Variants in TRAPPC5 observed in about 807,000 individuals in gnomAD.
TRAPPC5 encodes the protein trafficking protein particle complex subunit 5.
Under a neutral mutation model 9.8 loss-of-function variants are expected in TRAPPC5, and 5 were observed. That is an observed-to-expected ratio of 0.51 (90% CI 0.27 to 1.07). The LOEUF (loss-of-function observed/expected upper bound fraction) is 1.07. TRAPPC5 is among the 50% of genes least tolerant of loss of function. The pLI, the probability that TRAPPC5 is intolerant of heterozygous loss-of-function variation, is 0.12. For synonymous variants in TRAPPC5, 146 were observed against 140.7 expected, an observed-to-expected ratio of 1.04 and a Z score of -0.26; for missense variants, 243 against 291.5, an observed-to-expected ratio of 0.83 and a Z score of 1.21.
At position 7,686,802 on chromosome 19, in the gene TRAPPC5, A is replaced by G. The variant is rs35805499; in HGVS notation, c.*3982A>G. On this transcript the variant is annotated 3_prime_UTR_variant, in exon 2 of 2. Transcript: ENST00000596148. Reference sequence around the variant, plus strand: ...TAGGATTACAGGCGTGAGCCACCGCACCTGGCTGGCTTTTTCTCTTTTCTT... The same window carrying G: ...TAGGATTACAGGCGTGAGCCACCGCGCCTGGCTGGCTTTTTCTCTTTTCTT... 0.068 allele frequency: 10,263 copies of G among 150,432 alleles called. 378 individuals are homozygous for G. Among genetic ancestry groups the G allele is most frequent in the Non-Finnish European group, 0.082 (5,567 of 67,854 alleles). The allele number at this position is 150,432 out of a possible 1,614,324, so 9.3% of individuals were successfully genotyped here.
chr19:7,687,511 A>T lies in TRAPPC5; in HGVS notation c.*4691A>T, dbSNP rs2032737172. ...CAGCCTGTCCAGCCAGCCAGCACTT[A>T]CTGAGTGCCTTCTGTGTACTAAGCC... On this transcript the variant is annotated 3_prime_UTR_variant, in exon 2 of 2. Transcript: ENST00000596148. 6.6e-6 allele frequency: 1 copy of T among 152,564 alleles called. No homozygotes were observed. The highest frequency in any genetic ancestry group is 2.4e-5 in the African/African-American group (1 of 41,432). 9.5% of individuals were successfully genotyped at this position (152,564 alleles called of 1,614,324 possible). A position where few individuals can be genotyped will look rare whatever the true frequency, so the allele number is the denominator to read the frequency against.
At position 7,682,479 on chromosome 19, in the gene TRAPPC5, G is replaced by T; in HGVS notation, c.226G>T (p.Ala76Ser). ...LDALVAREKG[A>S]RRETKVLGAL... is the part of the protein sequence containing the mutation. ...TGCGCTGGTGGCGCGCGAAAAGGGTGCCCGGCGTGAGACCAAGGTGCTAGG... is the reference window on the plus strand; with the variant it reads ...TGCGCTGGTGGCGCGCGAAAAGGGTTCCCGGCGTGAGACCAAGGTGCTAGG... Residue 76 changes from alanine (A) to serine (S), a missense_variant, in exon 2 of 2, where the codon GCC becomes TCC. Transcript: ENST00000596148. The surrounding 1 kb of genome is among the most constrained non-coding windows in gnomAD (Gnocchi z 8.6). 2 of 1,611,386 alleles carry T rather than the reference G, an allele frequency of 1.2e-6. No homozygotes were observed. Among genetic ancestry groups the T allele is most frequent in the South Asian group, 1.1e-5 (1 of 91,012 alleles).
In TRAPPC5 at chr19:7,682,843, A is replaced by G; in HGVS notation, c.*23A>G. On this transcript the variant is annotated 3_prime_UTR_variant, in exon 2 of 2. Transcript: ENST00000596148. The surrounding 1 kb of genome is among the most constrained non-coding windows in gnomAD (Gnocchi z 8.6). ...TGACCCTGCCGGAGATAAAGGATAC[A>G]GAGAGCCCCTCCCCACGTGTGTCTT... 1.3e-6 allele frequency: 2 copies of G among 1,549,694 alleles called. No homozygotes were observed. The highest frequency in any genetic ancestry group is 1.7e-4 in the Middle Eastern group (1 of 5,914).
In TRAPPC5 at chr19:7,681,966, TC is replaced by T. The variant is rs2032644342; in HGVS notation, c.-12-271del. ...GGGTGGTTTCGGCCTCCTCTTCTGTTCCCCCTCGTGTCTCTCCTCCCACCTT... is the reference window on the plus strand; with the variant it reads ...GGGTGGTTTCGGCCTCCTCTTCTGTTCCCCTCGTGTCTCTCCTCCCACCTT... On this transcript the variant is annotated intron_variant, in intron 1 of 1. Coordinates refer to ENST00000596148, the MANE Select transcript of TRAPPC5 (RefSeq NM_001042462.2). The surrounding 1 kb of genome is among the most constrained non-coding windows in gnomAD (Gnocchi z 8.7). 6.6e-6 allele frequency among the ~76,000 whole-genome samples: 1 copy of T among 151,610 alleles called. No homozygotes were observed. The highest frequency in any genetic ancestry group is 1.5e-5 in the Non-Finnish European group (1 of 67,896).
chr19:7,681,934 G>A lies in TRAPPC5; in HGVS notation c.-12-308G>A, dbSNP rs2032643636. 6.6e-6 allele frequency among the ~76,000 whole-genome samples: 1 copy of A among 152,130 alleles called. No individual in the cohort carries two copies. Among genetic ancestry groups the A allele is most frequent in the African/African-American group, 2.4e-5 (1 of 41,438 alleles). ...TCGCAATTGAACCGTCTGCATGCCCGAGGGTTGGGTGGTTTCGGCCTCCTC... is the reference window on the plus strand; with the variant it reads ...TCGCAATTGAACCGTCTGCATGCCCAAGGGTTGGGTGGTTTCGGCCTCCTC... On this transcript the variant is annotated intron_variant, in intron 1 of 1. Coordinates refer to ENST00000596148, the MANE Select transcript of TRAPPC5 (RefSeq NM_001042462.2). This position sits in a 1 kb window ranked among gnomAD's most constrained non-coding sequence, Gnocchi z 8.7.
chr19:7,687,539 G>T lies in TRAPPC5; in HGVS notation c.*4719G>T, dbSNP rs2032737779. On this transcript the variant is annotated 3_prime_UTR_variant, in exon 2 of 2. Transcript: ENST00000596148. ...GAGTGCCTTCTGTGTACTAAGCCCT[G>T]CTCTGGGTACTTCCATGAGTCAACT... is the stretch of plus-strand genomic sequence containing the variant. The T allele has an allele frequency of 6.6e-6, 1 of 152,374 alleles. No homozygotes were observed. The highest frequency in any genetic ancestry group is 1.5e-5 in the Non-Finnish European group (1 of 68,170). 9.4% of individuals were successfully genotyped at this position (152,374 alleles called of 1,614,324 possible).
chr19:7,687,061 G>C lies in TRAPPC5; in HGVS notation c.*4241G>C, dbSNP rs1381223338. 6.6e-6 allele frequency: 1 copy of C among 152,298 alleles called. No homozygotes were observed. The highest frequency in any genetic ancestry group is 1.9e-4 in the East Asian group (1 of 5,180). The allele number at this position is 152,298 out of a possible 1,614,324, so 9.4% of individuals were successfully genotyped here. ...CAAAGCGCTGGGATGACAGGCATGA[G>C]CCACTGTGCGCAGCTGGCTTTGGCC... On this transcript the variant is annotated 3_prime_UTR_variant, in exon 2 of 2. Transcript: ENST00000596148.
In TRAPPC5 at chr19:7,682,299, G is replaced by A; in HGVS notation, c.46G>A (p.Ala16Thr). The A allele has an allele frequency of 6.8e-7, 1 of 1,473,458 alleles. No individual in the cohort carries two copies. The highest frequency in any genetic ancestry group is 2.7e-5 in the East Asian group (1 of 37,556). 91.3% of individuals were successfully genotyped at this position (1,473,458 alleles called of 1,614,324 possible). The change falls in exon 2 of 2, where the codon GCG (alanine) becomes ACG (threonine). Residue 16 changes from alanine (A) to threonine (T), a missense_variant. This residue lies in a region of TRAPPC5 where 89 missense variants were observed against 75.7 expected (regional missense o/e 1.18). Coordinates refer to ENST00000596148, the MANE Select transcript of TRAPPC5 (RefSeq NM_001042462.2). The surrounding 1 kb of genome is among the most constrained non-coding windows in gnomAD (Gnocchi z 8.6). ...CGGGAAGTCGGCGCTGCTGGAGCGC[G>A]CGCTGGCGCGGCCGCGCACCGAGGT... ...TRGKSALLER[A>T]LARPRTEVSL...
At chr19:7,680,910 G>C (rs1024477946) in intron 1 of TRAPPC5, 32 bp downstream of exon 1, 5 of 152,182 alleles carry the variant, frequency 3.3e-5, no homozygotes, top group Non-Finnish European at 5.9e-5. Context: ...TGCCCGCGCC[G>C]GGCCTCGTCC....
Position 7,685,011 on chromosome 19 carries a change from C to T in TRAPPC5, c.*2191C>T, listed in dbSNP as rs1046140731. On this transcript the variant is annotated 3_prime_UTR_variant, in exon 2 of 2. Transcript: ENST00000596148. ...TAAGGCCAGGCGTGGCGACTTATGTCTGTAATCCCAGCACTTTGAGAGGCC... is the reference window on the plus strand; with the variant it reads ...TAAGGCCAGGCGTGGCGACTTATGTTTGTAATCCCAGCACTTTGAGAGGCC... 6.6e-6 allele frequency: 1 copy of T among 152,114 alleles called. No homozygotes were observed. Among genetic ancestry groups the T allele is most frequent in the Non-Finnish European group, 1.5e-5 (1 of 68,044 alleles). The allele number at this position is 152,114 out of a possible 1,614,324, so 9.4% of individuals were successfully genotyped here. A position where few individuals can be genotyped will look rare whatever the true frequency, so the allele number is the denominator to read the frequency against.
In TRAPPC5 at chr19:7,685,531, G is replaced by A. The variant is rs777682066; in HGVS notation, c.*2711G>A. The stretch of plus-strand genomic sequence containing the variant: ...GTTATGAGAAGGGCCAAAGGGGTCG[G>A]TGTCACCTCTAGATTTGTTTAGGAT... On this transcript the variant is annotated 3_prime_UTR_variant, in exon 2 of 2. Coordinates refer to ENST00000596148, the MANE Select transcript of TRAPPC5 (RefSeq NM_001042462.2). 6.6e-6 allele frequency: 1 copy of A among 152,348 alleles called. No individual in the cohort carries two copies. Among genetic ancestry groups the A allele is most frequent in the African/African-American group, 2.4e-5 (1 of 41,444 alleles). 9.4% of individuals were successfully genotyped at this position (152,348 alleles called of 1,614,324 possible).
rs1283391862 is a variant in TRAPPC5 at position 7,685,120 on chromosome 19, A to G, written c.*2300A>G. ...ACCCATCTTTACTAAAAATACAAAA[A>G]TTAGCTGGGCGTGGTGGCAGGCACC... is the stretch of plus-strand genomic sequence containing the variant. On this transcript the variant is annotated 3_prime_UTR_variant, in exon 2 of 2. Transcript: ENST00000596148. 1 of 152,066 alleles carries G rather than the reference A, an allele frequency of 6.6e-6. No individual in the cohort carries two copies. The highest frequency in any genetic ancestry group is 1.5e-5 in the Non-Finnish European group (1 of 68,018). The allele number at this position is 152,066 out of a possible 1,614,324, so 9.4% of individuals were successfully genotyped here.
chr19:7,682,341 G>C lies in TRAPPC5; in HGVS notation c.88G>C (p.Ala30Pro), dbSNP rs1210094854. 4 of 1,556,164 alleles carry C rather than the reference G, an allele frequency of 2.6e-6. No individual in the cohort carries two copies. The highest frequency in any genetic ancestry group is 2.4e-5 in the East Asian group (1 of 41,466). The stretch of plus-strand genomic sequence containing the variant: ...CACCGAGGTGAGCCTGAGCGCCTTC[G>C]CACTGCTGTTCTCCGAGCTGGTACA... Reference protein sequence around the residue: ...PRTEVSLSAFALLFSELVQHC... With the variant: ...PRTEVSLSAFPLLFSELVQHC... Residue 30 changes from alanine (A) to proline (P), a missense_variant, in exon 2 of 2, where the codon GCA (alanine) becomes CCA (proline). This residue lies in a region of TRAPPC5 where 89 missense variants were observed against 75.7 expected (regional missense o/e 1.18). Coordinates refer to ENST00000596148, the MANE Select transcript of TRAPPC5 (RefSeq NM_001042462.2). This position sits in a 1 kb window ranked among gnomAD's most constrained non-coding sequence, Gnocchi z 8.6.
rs2032697397 is a variant in TRAPPC5 at position 7,684,788 on chromosome 19, A to G, written c.*1968A>G. The G allele has an allele frequency of 1.3e-5, 2 of 152,184 alleles. No homozygotes were observed. The allele number at this position is 152,184 out of a possible 1,614,324, so 9.4% of individuals were successfully genotyped here. ...CACTGTGTTGGCCAGTCTGGTCAAT[A>G]CTTTAAAGTTAATTTTAAAGTCCAG... On this transcript the variant is annotated 3_prime_UTR_variant, in exon 2 of 2. Transcript: ENST00000596148.
chr19:7,683,039 A>G lies in TRAPPC5; in HGVS notation c.*219A>G. 1 of 572,182 alleles carries G rather than the reference A, an allele frequency of 1.7e-6. No homozygotes were observed. 35.4% of individuals were successfully genotyped at this position (572,182 alleles called of 1,614,324 possible). A position where few individuals can be genotyped will look rare whatever the true frequency, so the allele number is the denominator to read the frequency against. On this transcript the variant is annotated 3_prime_UTR_variant, in exon 2 of 2. Coordinates refer to ENST00000596148, the MANE Select transcript of TRAPPC5 (RefSeq NM_001042462.2). ...AGTGGTGGGGAGAAATAAACCCGGC[A>G]AAAGGAGTTGGTGGGAAATGCTGGC...
rs963125135 is a variant in TRAPPC5 at position 7,687,047 on chromosome 19, G to A, written c.*4227G>A. On this transcript the variant is annotated 3_prime_UTR_variant, in exon 2 of 2. Transcript: ENST00000596148. ...CCACCTCAGCCTCCCAAAGCGCTGG[G>A]ATGACAGGCATGAGCCACTGTGCGC... The A allele has an allele frequency of 1.3e-5, 2 of 152,246 alleles. No individual in the cohort carries two copies. The highest frequency in any genetic ancestry group is 4.8e-5 in the African/African-American group (2 of 41,428). The allele number at this position is 152,246 out of a possible 1,614,324, so 9.4% of individuals were successfully genotyped here.
rs199588983 is a variant in TRAPPC5 at position 7,687,198 on chromosome 19, T to TG, written c.*4379dup. ...GCAGAAGGGGTGAGCAGTGAGTGAT[T>TG]GTGAGCGCCGTTTGACAGCAGAGCC... On this transcript the variant is annotated 3_prime_UTR_variant, in exon 2 of 2. Transcript: ENST00000596148. The TG allele has an allele frequency of 0.018, 2,698 of 152,586 alleles. 42 individuals are homozygous for TG. The highest frequency in any genetic ancestry group is 0.026 in the Non-Finnish European group (1,746 of 68,186). The allele number at this position is 152,586 out of a possible 1,614,324, so 9.5% of individuals were successfully genotyped here.
rs188545455 is a variant in TRAPPC5 at position 7,685,749 on chromosome 19, G to A, written c.*2929G>A. On this transcript the variant is annotated 3_prime_UTR_variant, in exon 2 of 2. Transcript: ENST00000596148. ...GATCCTGGAATAGCTGTTGGCTGTT[G>A]GAGGTGGAGGGAGGCGCCGGGAGAG... The A allele has an allele frequency of 5.9e-5, 9 of 152,618 alleles. No individual in the cohort carries two copies. The highest frequency in any genetic ancestry group is 5.9e-4 in the Admixed American group (9 of 15,304). The allele number at this position is 152,618 out of a possible 1,614,324, so 9.5% of individuals were successfully genotyped here.
Position 7,686,027 on chromosome 19 carries a change from AGAGGGGCTT to A in TRAPPC5, c.*3208_*3216del, listed in dbSNP as rs998810529. The A allele has an allele frequency of 3.9e-5, 6 of 152,274 alleles. No homozygotes were observed. The highest frequency in any genetic ancestry group is 1.4e-4 in the African/African-American group (6 of 41,422). The allele number at this position is 152,274 out of a possible 1,614,324, so 9.4% of individuals were successfully genotyped here. ...AGGCAGGTCCTCTGAGACCCTGGCG[AGAGGGGCTT>A]CCAGGGCCGGCCAGGGCAGGGGCCA... On this transcript the variant is annotated 3_prime_UTR_variant, in exon 2 of 2. Transcript: ENST00000596148.
Sources: gnomAD v4.1 joint callset for allele counts (sites outside exome capture counted in the v4.1 genomes callset) on GRCh38, gnomAD v4.1.1 for gene constraint, gnomAD v4.1.1 regional missense constraint, Gnocchi (gnomAD v3.1) non-coding constraint, MANE v1.5 for transcripts, NCBI Gene and HGNC (gene_info 2026-07-23, HGNC 2026-07-21) for gene names.